DDB2: variants seen among roughly 807,000 people sequenced by gnomAD.
DDB2 encodes the protein DNA damage-binding protein 2.
Under a neutral mutation model 50.5 loss-of-function variants are expected in DDB2, and 27 were observed. That is an observed-to-expected ratio of 0.53 (90% CI 0.39 to 0.74). The LOEUF is 0.74. Ranked by LOEUF, DDB2 falls within the 30% of genes least tolerant of loss-of-function variation. DDB2 has a pLI of 0.00. For synonymous variants in DDB2, 176 were observed against 205.5 expected (o/e 0.86, Z 1.23); for missense variants, 424 against 545.6 (o/e 0.78, Z 2.22).
chr11:47,216,245 T>C lies in DDB2; in HGVS notation c.128-91T>C, dbSNP rs910889440. ...GAGGTGATGAGACAGAGATTAACCGTGCCGAATGAAACAAGGCTTCCTTTC... is the reference window on the plus strand; with the variant it reads ...GAGGTGATGAGACAGAGATTAACCGCGCCGAATGAAACAAGGCTTCCTTTC... On this transcript the variant is annotated intron_variant, in intron 1 of 9. Transcript: ENST00000256996. 5 of 1,588,256 alleles carry C rather than the reference T, an allele frequency of 3.1e-6. No homozygotes were observed. The African/African-American group carries it at 6.7e-5, about 21-fold the overall frequency.
intron 3 of DDB2, among the ~76,000 whole-genome samples, chr11:47,226,277 TC>T (rs981214204): frequency 2.8e-5 from 4 of 142,956 alleles, no homozygotes; most frequent in African/African-American, 5.0e-5. Context: ...ACATTTATTT[TC>T]TTTTTTTTTT....
intron 3 of DDB2, among the ~76,000 whole-genome samples, chr11:47,224,674 A>G (rs1379099819): frequency 1.3e-5 from 2 of 151,950 alleles, no homozygotes; most frequent in African/African-American, 2.4e-5. Flanking sequence ...TCCCTGTTTC[A>G]TTTTGTGCAG....
At position 47,216,863 on chromosome 11, in the gene DDB2, C is replaced by T. The variant is rs764682019; in HGVS notation, c.270C>T (p.Leu90=). The part of the protein sequence containing the change: ...RASWPSVQQG[L]QQSFLHTLDS... ...TTCATTTCTCTCTGTGGCAGGGGCT[C>T]CAGCAGTCCTTTTTGCACACTCTGG... The change falls in exon 3 of 10, where the codon CTC becomes CTT. Residue 90 remains leucine, a synonymous_variant. Coordinates refer to ENST00000256996, the MANE Select transcript of DDB2 (RefSeq NM_000107.3). 3 of 1,614,016 alleles carry T rather than the reference C, an allele frequency of 1.9e-6. No individual in the cohort carries two copies. In the South Asian group the frequency reaches 3.3e-5, roughly 18 times the overall value.
At chr11:47,238,278 C>T (rs1953772407) in intron 9 of DDB2, 95 bp downstream of exon 9, 7 of 1,155,532 alleles carry the variant, frequency 6.1e-6, no homozygotes, top group Middle Eastern at 2.1e-4. Context: ...GCCACATTCA[C>T]CCCAGGGCAG....
chr11:47,231,514 TTTTTAA>T (rs1425686176), intron 3 of DDB2, among the ~76,000 whole-genome samples: 5 of 152,308 alleles, frequency 3.3e-5, no homozygotes, highest in Admixed American at 2.6e-4. Context: ...TGACATTCTA[TTTTTAA>T]TTTTATTTTA....
intron 3 of DDB2, among the ~76,000 whole-genome samples, chr11:47,230,547 GT>G (rs1953632310): frequency 6.6e-6 from 1 of 152,134 alleles, no homozygotes; most frequent in Admixed American, 6.5e-5. Context: ...CCAACCCTTG[GT>G]TTGGTAAGCA....
At position 47,216,963 on chromosome 11, in the gene DDB2, C is replaced by T. The variant is rs762943470; in HGVS notation, c.370C>T (p.Pro124Ser). 1.2e-6 allele frequency: 2 copies of T among 1,614,084 alleles called. No homozygotes were observed. Among genetic ancestry groups the T allele is most frequent in the East Asian group, 4.5e-5 (2 of 44,890 alleles). Reference sequence around the variant, plus strand: ...ATCCTTGGCGTGGCACCCAACTCACCCCAGCACCGTGGCTGTGGGTTCCAA... The same window carrying T: ...ATCCTTGGCGTGGCACCCAACTCACTCCAGCACCGTGGCTGTGGGTTCCAA... The part of the protein sequence containing the change: ...ATSLAWHPTH[P>S]STVAVGSKGG... The change falls in exon 3 of 10, where the codon CCC becomes TCC. Residue 124 changes from proline (P) to serine (S), a missense_variant. Transcript: ENST00000256996.
chr11:47,236,912 C>A (rs1337127619), intron 7 of DDB2, among the ~76,000 whole-genome samples: 1 of 152,212 alleles, frequency 6.6e-6, no homozygotes, highest in Non-Finnish European at 1.5e-5. Context: ...TATTTCTAAG[C>A]CTTCGCATGT....
intron 9 of DDB2, 83 bp downstream of exon 9, chr11:47,238,266 C>G: frequency 7.9e-7 from 1 of 1,271,796 alleles, no homozygotes; most frequent in Middle Eastern, 1.9e-4. Context: ...CAGCCCCGCC[C>G]TGCCACATTC....
intron 7 of DDB2, among the ~76,000 whole-genome samples, chr11:47,236,736 C>T (rs889008517): frequency 1.3e-5 from 2 of 152,214 alleles, no homozygotes; most frequent in African/African-American, 4.8e-5. Flanking sequence ...CCCCCACGTA[C>T]CTCAATCACA....
chr11:47,227,224 A>G (rs983586812), intron 3 of DDB2, among the ~76,000 whole-genome samples: 1 of 137,976 alleles, frequency 7.2e-6, no homozygotes, highest in Non-Finnish European at 1.5e-5. Context: ...CTCCTGCTTC[A>G]GCCTCCTGAG....
rs1469147511 is a variant in DDB2 at position 47,234,750 on chromosome 11, T to C, written c.703-7T>C. On this transcript the variant is annotated splice_region_variant and splice_polypyrimidine_tract_variant and intron_variant, in intron 5 of 9. Coordinates refer to ENST00000256996, the MANE Select transcript of DDB2 (RefSeq NM_000107.3). ...TGTCCCCACCTGAACCGAGCTCTTC[T>C]CTGCAGCTTTGGAATCTCAGAATGC... 3 of 1,614,098 alleles carry C rather than the reference T, an allele frequency of 1.9e-6. No homozygotes were observed. Among genetic ancestry groups the C allele is most frequent in the South Asian group, 1.1e-5 (1 of 91,080 alleles).
chr11:47,229,632 GGAAA>G (rs1448950332), intron 3 of DDB2, among the ~76,000 whole-genome samples: 2 of 152,072 alleles, frequency 1.3e-5, no homozygotes, highest in African/African-American at 4.8e-5. Context: ...TTATAAACAT[GGAAA>G]GAGAGAAACT....
chr11:47,238,329 A>G, intron 9 of DDB2, 146 bp downstream of exon 9: 1 of 757,166 alleles, frequency 1.3e-6, no homozygotes, highest in Non-Finnish European at 2.3e-6. Flanking sequence ...TGGTCTCTAT[A>G]GCCAAGGCCC....
chr11:47,223,658 T>TTG (rs2135494473), intron 3 of DDB2, among the ~76,000 whole-genome samples: 1 of 151,142 alleles, frequency 6.6e-6, no homozygotes, highest in Non-Finnish European at 1.5e-5. Context: ...GGTGGGCGCC[T>TTG]GTAGTCCCAG....
At chr11:47,235,079 T>A in intron 6 of DDB2, 145 bp downstream of exon 6, 1 of 1,268,008 alleles carries the variant, frequency 7.9e-7, no homozygotes, top group Non-Finnish European at 1.1e-6. Context: ...TTTGTGGCTG[T>A]GGCTGTCCCC....
intron 7 of DDB2, chr11:47,235,959 G>GTC (rs60712743): frequency 0.033 from 4,265 of 129,994 alleles, 103 homozygotes; most frequent in South Asian, 0.11. Flanking sequence ...TCTTGAAACG[G>GTC]TCTTGCTCTG....
intron 3 of DDB2, among the ~76,000 whole-genome samples, chr11:47,219,702 C>T (rs972928044): frequency 1.1e-4 from 17 of 152,104 alleles, no homozygotes; most frequent in Non-Finnish European, 2.5e-4. Context: ...ACGTCTCAGC[C>T]GAATTCTGCT....
chr11:47,216,845 C>T lies in DDB2; in HGVS notation c.265-13C>T. The T allele has an allele frequency of 6.2e-7, 1 of 1,613,780 alleles. No homozygotes were observed. On this transcript the variant is annotated splice_polypyrimidine_tract_variant and intron_variant, in intron 2 of 9. Transcript: ENST00000256996. ...GGTTTTAATTCAACCTAATTCATTT[C>T]TCTCTGTGGCAGGGGCTCCAGCAGT... is the stretch of plus-strand genomic sequence containing the variant.
Sources: allele counts gnomAD v4.1 joint callset (sites outside exome capture counted in the v4.1 genomes callset), GRCh38; gene constraint gnomAD v4.1.1; transcripts MANE v1.5; gene names NCBI Gene and HGNC (gene_info 2026-07-23, HGNC 2026-07-21).